SLC35D4: variants seen among roughly 807,000 people sequenced by gnomAD.
The protein encoded by SLC35D4 is UDP-N-acetylglucosamine transporter SLC35D4.
At chr18:23,419,109 C>T in the SLC35D4 span, among the ~76,000 whole-genome samples, 44,005 of 151,910 alleles carry the variant, frequency 0.29, 6,738 homozygotes, top group East Asian at 0.4. Context: ...GCTCATTCAG[C>T]TGGGATGTTT....
chr18:23,384,300 A>G, the SLC35D4 span, among the ~76,000 whole-genome samples: 16 of 152,232 alleles, frequency 1.1e-4, no homozygotes, highest in South Asian at 3.3e-3. Flanking sequence ...CTAAAAATAA[A>G]AATAAATTAA....
At chr18:23,399,724 C>G in the SLC35D4 span, 1 of 1,348,234 alleles carries the variant, frequency 7.4e-7, no homozygotes, top group East Asian at 2.4e-5. Context: ...GGCTGACCCT[C>G]CAGATGCATC....
At chr18:23,428,035 G>A in the SLC35D4 span, among the ~76,000 whole-genome samples, 3 of 152,082 alleles carry the variant, frequency 2.0e-5, no homozygotes, top group Non-Finnish European at 2.9e-5. Context: ...GGGGGGAGAG[G>A]GGAGGGATAG....
the SLC35D4 span, among the ~76,000 whole-genome samples, chr18:23,402,463 G>C: frequency 6.6e-6 from 1 of 152,074 alleles, no homozygotes; most frequent in Non-Finnish European, 1.5e-5. Context: ...GCAAATTAAT[G>C]CACATTTATA....
the SLC35D4 span, among the ~76,000 whole-genome samples, chr18:23,367,764 T>C: frequency 0.28 from 41,929 of 149,932 alleles, 6,618 homozygotes; most frequent in Middle Eastern, 0.37. Context: ...CTGGATACTT[T>C]TTTTTTTTTT....
the SLC35D4 span, among the ~76,000 whole-genome samples, chr18:23,255,139 C>T: frequency 6.6e-6 from 1 of 152,038 alleles, no homozygotes; most frequent in African/African-American, 2.4e-5. Flanking sequence ...GTGTGAGGCC[C>T]ATGGAGGAGG....
At chr18:23,278,937 T>C in the SLC35D4 span, among the ~76,000 whole-genome samples, 2 of 149,702 alleles carry the variant, frequency 1.3e-5, no homozygotes, top group Non-Finnish European at 3.0e-5. Context: ...TGCTTGAGCC[T>C]GGGAGTTTGA....
At chr18:23,319,693 C>A in the SLC35D4 span, among the ~76,000 whole-genome samples, 1 of 152,218 alleles carries the variant, frequency 6.6e-6, no homozygotes, top group Non-Finnish European at 1.5e-5. Context: ...CCTGCCTCGG[C>A]CTTCCAAAGT....
chr18:23,309,476 T>C, the SLC35D4 span, among the ~76,000 whole-genome samples: 2 of 152,120 alleles, frequency 1.3e-5, no homozygotes, highest in African/African-American at 4.8e-5. Flanking sequence ...ATTTATGATA[T>C]ATGCACTCTT....
chr18:23,407,565 T>C, the SLC35D4 span, among the ~76,000 whole-genome samples: 2 of 146,248 alleles, frequency 1.4e-5, no homozygotes, highest in East Asian at 2.0e-4. Context: ...TGTCTGTCTC[T>C]TTCTCTTTAT....
chr18:23,267,335 T>A, the SLC35D4 span, among the ~76,000 whole-genome samples: 2 of 152,158 alleles, frequency 1.3e-5, no homozygotes, highest in Non-Finnish European at 2.9e-5. Flanking sequence ...TATGACACAC[T>A]GCCAAGCCCA....
the SLC35D4 span, among the ~76,000 whole-genome samples, chr18:23,246,607 G>T: frequency 9.9e-5 from 15 of 151,888 alleles, no homozygotes; most frequent in Admixed American, 7.2e-4. Flanking sequence ...TAGCCAGGAT[G>T]GTCTCGATCT....
At chr18:23,273,487 A>G in the SLC35D4 span, among the ~76,000 whole-genome samples, 1 of 152,136 alleles carries the variant, frequency 6.6e-6, no homozygotes. Flanking sequence ...GTGTTTGGAT[A>G]ATTGTTGTGG....
chr18:23,250,838 C>G, the SLC35D4 span, among the ~76,000 whole-genome samples: 1 of 152,228 alleles, frequency 6.6e-6, no homozygotes, highest in African/African-American at 2.4e-5. Context: ...CTGAACAGGT[C>G]TGGTGGAATT....
the SLC35D4 span, among the ~76,000 whole-genome samples, chr18:23,406,474 G>A: frequency 6.6e-6 from 1 of 152,162 alleles, no homozygotes; most frequent in Non-Finnish European, 1.5e-5. Flanking sequence ...TCTTAAGTAA[G>A]CAGACCACAC....
chr18:23,329,792 A>C, the SLC35D4 span, among the ~76,000 whole-genome samples: 1 of 152,324 alleles, frequency 6.6e-6, no homozygotes, highest in South Asian at 2.1e-4. Context: ...AATAGCAAAG[A>C]CTTGGAACTA....
the SLC35D4 span, among the ~76,000 whole-genome samples, chr18:23,434,320 T>C: frequency 6.6e-6 from 1 of 152,216 alleles, no homozygotes; most frequent in East Asian, 1.9e-4. Flanking sequence ...GCTCTGACAC[T>C]TCCCAACATC....
chr18:23,308,111 C>T, the SLC35D4 span, among the ~76,000 whole-genome samples: 1 of 152,210 alleles, frequency 6.6e-6, no homozygotes, highest in Non-Finnish European at 1.5e-5. Context: ...CAGGAAAAAG[C>T]TAGCAGGGCT....
the SLC35D4 span, among the ~76,000 whole-genome samples, chr18:23,431,902 T>C: frequency 6.6e-6 from 1 of 152,212 alleles, no homozygotes; most frequent in African/African-American, 2.4e-5. Flanking sequence ...ATCCTTCACA[T>C]GCTCTAAAAA....
Sources: gnomAD v4.1 joint callset for allele counts (sites outside exome capture counted in the v4.1 genomes callset) on GRCh38, gnomAD v4.1.1 for gene constraint, MANE v1.5 for transcripts, NCBI Gene and HGNC (gene_info 2026-07-23, HGNC 2026-07-21) for gene names.